Variants in GABRG3 observed in about 807,000 individuals in gnomAD.
The protein encoded by GABRG3 is gamma-aminobutyric acid receptor subunit gamma-3.
In GABRG3, 25 loss-of-function variants were observed where a neutral mutation model predicts 48.8. That is an observed-to-expected ratio of 0.51 (90% confidence interval 0.37 to 0.72). The LOEUF (loss-of-function observed/expected upper bound fraction) is 0.72, where lower values mean the gene tolerates loss of function less well. Among genes scored for constraint, GABRG3 ranks in the 30% least tolerant of loss-of-function variants. GABRG3 has a pLI of 0.00. For missense variants in GABRG3, 394 were observed against 577.9 expected, an observed-to-expected ratio of 0.68 and a Z score of 3.26; for synonymous variants, 227 against 217.6, an observed-to-expected ratio of 1.04 and a Z score of -0.38.
chr15:27,308,433 CTGTTTATATAAACATATGCAAACATACA>C (rs1892820726), intron 3 of GABRG3, among the ~76,000 whole-genome samples: 1 of 143,818 alleles, frequency 7.0e-6, no homozygotes, highest in African/African-American at 2.6e-5. Context: ...GTAAACATAC[CTGTTTATATAAACATATGCAAACATACA>C]TGTTTATATA....
At chr15:27,100,371 T>A (rs1253725086) in intron 3 of GABRG3, among the ~76,000 whole-genome samples, 1 of 152,214 alleles carries the variant, frequency 6.6e-6, no homozygotes, top group Admixed American at 6.5e-5. Flanking sequence ...GAGTTTTATA[T>A]GGTGTAACTG....
intron 5 of GABRG3, among the ~76,000 whole-genome samples, chr15:27,477,517 G>A (rs1432819526): frequency 1.3e-5 from 2 of 152,126 alleles, no homozygotes; most frequent in African/African-American, 4.8e-5. Flanking sequence ...TTATTCATTT[G>A]TCCAAACCCA....
At chr15:27,207,913 G>A (rs1888910725) in intron 3 of GABRG3, among the ~76,000 whole-genome samples, 1 of 152,124 alleles carries the variant, frequency 6.6e-6, no homozygotes, top group Non-Finnish European at 1.5e-5. Flanking sequence ...GGACAACCAG[G>A]GAGCAAGGAT....
intron 3 of GABRG3, among the ~76,000 whole-genome samples, chr15:27,055,853 C>A (rs1896536026): frequency 6.6e-6 from 1 of 152,070 alleles, no homozygotes; most frequent in African/African-American, 2.4e-5. Context: ...AAAAAAAAAT[C>A]ATCCCAGAAA....
Position 27,522,066 on chromosome 15 carries a change from C to T in GABRG3, c.865+1942C>T, listed in dbSNP as rs370575690. 5.3e-5 allele frequency among the ~76,000 whole-genome samples: 8 copies of T among 152,018 alleles called. No homozygotes were observed. The East Asian group carries it at 1.5e-3, about 29-fold the overall frequency. On this transcript the variant is annotated intron_variant, in intron 7 of 9. Transcript: ENST00000615808. ...GTAAGATAAATACGAAGAAAACCAT[C>T]ATAGTCCAAATGATGACAATCAAAA...
Position 27,539,858 on chromosome 15 carries a change from T to C in GABRG3, c.*6977T>C, listed in dbSNP as rs904449023. 6.6e-6 allele frequency: 1 copy of C among 152,164 alleles called. No individual in the cohort carries two copies. Among genetic ancestry groups the C allele is most frequent in the Admixed American group, 6.5e-5 (1 of 15,278 alleles). The allele number at this position is 152,164 out of a possible 1,614,324, so 9.4% of individuals were successfully genotyped here. ...CAATTAAAGACTCCTTCCAATGTAA[T>C]TAAAAAATAAGTAATGTGGCAAAAG... On this transcript the variant is annotated 3_prime_UTR_variant, in exon 10 of 10. Coordinates refer to ENST00000615808, the MANE Select transcript of GABRG3 (RefSeq NM_033223.5).
chr15:27,108,724 T>C (rs1182342727), intron 3 of GABRG3, among the ~76,000 whole-genome samples: 7 of 152,158 alleles, frequency 4.6e-5, no homozygotes, highest in Non-Finnish European at 8.8e-5. Context: ...TTACTATCAG[T>C]TTTTCCTTCA....
chr15:27,006,704 GT>G (rs1437596566), intron 2 of GABRG3, among the ~76,000 whole-genome samples: 2 of 151,992 alleles, frequency 1.3e-5, no homozygotes, highest in Non-Finnish European at 2.9e-5. Context: ...CTTTCTATTT[GT>G]CTGTGTGTAC....
In GABRG3 at chr15:27,207,584, G is replaced by A. The variant is rs150500218; in HGVS notation, c.271-119225G>A. ...ACTGACAACTGATGGATTGTCAGTGGACAAGCTTCAGACCTTATGATGCGA... is the reference window on the plus strand; with the variant it reads ...ACTGACAACTGATGGATTGTCAGTGAACAAGCTTCAGACCTTATGATGCGA... On this transcript the variant is annotated intron_variant, in intron 3 of 9. Coordinates refer to ENST00000615808, the MANE Select transcript of GABRG3 (RefSeq NM_033223.5). Among the ~76,000 whole-genome samples the A allele has an allele frequency of 2.3e-3, 353 of 152,320 alleles. 1 individual carries two copies. The highest frequency in any genetic ancestry group is 7.9e-3 in the African/African-American group (330 of 41,578).
At chr15:27,063,699 C>T (rs1273418900) in intron 3 of GABRG3, among the ~76,000 whole-genome samples, 2 of 152,200 alleles carry the variant, frequency 1.3e-5, no homozygotes, top group Non-Finnish European at 2.9e-5. Flanking sequence ...CGAGAATGGC[C>T]TAAGACAGCA....
chr15:27,017,323 A>T (rs1486674180), intron 2 of GABRG3, among the ~76,000 whole-genome samples: 1 of 152,178 alleles, frequency 6.6e-6, no homozygotes, highest in East Asian at 1.9e-4. Context: ...CAAGTTAATA[A>T]TGGGTGTGTT....
intron 5 of GABRG3, among the ~76,000 whole-genome samples, chr15:27,455,462 G>A (rs1889239101): frequency 6.6e-6 from 1 of 150,766 alleles, no homozygotes; most frequent in Non-Finnish European, 1.5e-5. Flanking sequence ...TGTGATTCGT[G>A]AGTTTGCATG....
At chr15:27,480,808 G>GCAC in intron 6 of GABRG3, 21 bp downstream of exon 6, 5 of 1,612,320 alleles carry the variant, frequency 3.1e-6, no homozygotes, top group Non-Finnish European at 4.2e-6. Context: ...ACTGAAAGAG[G>GCAC]CACAGCTCTC....
chr15:27,034,680 A>G (rs1210372872), intron 3 of GABRG3, among the ~76,000 whole-genome samples: 2 of 152,200 alleles, frequency 1.3e-5, no homozygotes, highest in Admixed American at 6.5e-5. Context: ...GCAGATGCCC[A>G]TGAGCCCTGG....
chr15:27,276,366 G>C (rs2140476772), intron 3 of GABRG3, among the ~76,000 whole-genome samples: 1 of 152,304 alleles, frequency 6.6e-6, no homozygotes, highest in South Asian at 2.1e-4. Flanking sequence ...GTGCAAATGT[G>C]GTGGTTTAGT....
At chr15:27,508,465 T>C (rs1444755221) in intron 6 of GABRG3, among the ~76,000 whole-genome samples, 2 of 152,212 alleles carry the variant, frequency 1.3e-5, no homozygotes, top group African/African-American at 2.4e-5. Context: ...TTTTTTCTTA[T>C]GCTATAAACA....
At chr15:27,364,533 C>T (rs1895128333) in intron 5 of GABRG3, 1 of 152,238 alleles carries the variant, frequency 6.6e-6, no homozygotes, top group Non-Finnish European at 1.5e-5. Flanking sequence ...TGGAAAGGCA[C>T]AGCTCCGCAG....
chr15:27,058,148 C>G (rs956200717), intron 3 of GABRG3, among the ~76,000 whole-genome samples: 1 of 152,222 alleles, frequency 6.6e-6, no homozygotes, highest in African/African-American at 2.4e-5. Context: ...TACTGGACTC[C>G]TGTGATGACT....
chr15:27,308,891 G>T (rs1041203738), intron 3 of GABRG3, among the ~76,000 whole-genome samples: 2 of 150,042 alleles, frequency 1.3e-5, no homozygotes, highest in South Asian at 2.1e-4. Context: ...ATTTAAACAT[G>T]TTTATATGAA....
Sources: gnomAD v4.1 joint callset for allele counts (sites outside exome capture counted in the v4.1 genomes callset) on GRCh38, gnomAD v4.1.1 for gene constraint, MANE v1.5 for transcripts, NCBI Gene and HGNC (gene_info 2026-07-23, HGNC 2026-07-21) for gene names.